Variants in MAF observed in about 807,000 individuals in gnomAD.
The protein encoded by MAF is MAF bZIP transcription factor.
In MAF, 10 loss-of-function variants were observed where a neutral mutation model predicts 22.0. The ratio of observed to expected loss-of-function variants is 0.45; its 90% confidence interval spans 0.28 to 0.77. The LOEUF (loss-of-function observed/expected upper bound fraction) is 0.77. MAF is among the 30% of genes least tolerant of loss of function. The probability of loss-of-function intolerance (pLI) is 0.12; values close to 1 mark genes in which losing one functional copy is unlikely to be tolerated. For synonymous variants in MAF, 337 were observed against 255.8 expected (o/e 1.32, Z -3.03); for missense variants, 544 against 548.4 (o/e 0.99, Z 0.08).
At chr16:79,481,032 T>G in the MAF span, among the ~76,000 whole-genome samples, 1 of 152,158 alleles carries the variant, frequency 6.6e-6, no homozygotes, top group Non-Finnish European at 1.5e-5. Context: ...TAACACAACC[T>G]GTAGTGTGTA....
chr16:79,303,473 T>C, the MAF span, among the ~76,000 whole-genome samples: 3 of 152,286 alleles, frequency 2.0e-5, no homozygotes, highest in East Asian at 3.9e-4. Flanking sequence ...TCAAGAATGA[T>C]CCCTGCTGAG....
At chr16:79,403,293 G>A in the MAF span, among the ~76,000 whole-genome samples, 1 of 152,220 alleles carries the variant, frequency 6.6e-6, no homozygotes, top group Non-Finnish European at 1.5e-5. Context: ...AAGCCCTGGA[G>A]CGGTATAGGG....
chr16:79,556,789 C>G, the MAF span, among the ~76,000 whole-genome samples: 2 of 152,070 alleles, frequency 1.3e-5, no homozygotes, highest in East Asian at 3.9e-4. Flanking sequence ...CTATCTATGC[C>G]TCAATTTACA....
At chr16:79,276,266 A>G in the MAF span, among the ~76,000 whole-genome samples, 1 of 152,202 alleles carries the variant, frequency 6.6e-6, no homozygotes, top group Non-Finnish European at 1.5e-5. Context: ...CTTTTTATGT[A>G]GCAGGCCCCT....
chr16:79,414,699 G>C, the MAF span, among the ~76,000 whole-genome samples: 11 of 152,322 alleles, frequency 7.2e-5, no homozygotes, highest in Middle Eastern at 3.4e-3. Flanking sequence ...GGGTAAGAGA[G>C]AAATCATAAG....
At chr16:79,404,504 T>A in the MAF span, among the ~76,000 whole-genome samples, 1 of 152,162 alleles carries the variant, frequency 6.6e-6, no homozygotes. Flanking sequence ...AGCTAGAGAA[T>A]GGGTACATCG....
At chr16:79,462,469 T>C in the MAF span, among the ~76,000 whole-genome samples, 1 of 152,080 alleles carries the variant, frequency 6.6e-6, no homozygotes, top group African/African-American at 2.4e-5. Flanking sequence ...CTAAACTTCT[T>C]ACCCCACCTA....
At chr16:79,557,328 A>G in the MAF span, among the ~76,000 whole-genome samples, 1 of 152,064 alleles carries the variant, frequency 6.6e-6, no homozygotes, top group Non-Finnish European at 1.5e-5. Context: ...AGGGTGGAAG[A>G]GGAGAAAATA....
chr16:79,584,799 A>G (rs1199586693), downstream of MAF, among the ~76,000 whole-genome samples: 1 of 152,226 alleles, frequency 6.6e-6, no homozygotes, highest in Non-Finnish European at 1.5e-5. Flanking sequence ...CAAGACTAGA[A>G]AATAAACAAC....
the MAF span, among the ~76,000 whole-genome samples, chr16:79,279,703 C>T: frequency 5.1e-4 from 77 of 152,294 alleles, 1 homozygote; most frequent in South Asian, 2.5e-3. Context: ...TATGTTGCCT[C>T]GCGCAGGGGT....
chr16:79,216,231 A>G, the MAF span, among the ~76,000 whole-genome samples: 1 of 150,752 alleles, frequency 6.6e-6, no homozygotes, highest in Non-Finnish European at 1.5e-5. Context: ...GTGCACATCT[A>G]TATGTGTATA....
chr16:79,583,928 G>A (rs565770811), downstream of MAF, among the ~76,000 whole-genome samples: 61 of 152,296 alleles, frequency 4.0e-4, no homozygotes, highest in South Asian at 0.011. Context: ...GCACAGTCTT[G>A]GCGCAGCATG....
the MAF span, among the ~76,000 whole-genome samples, chr16:79,388,579 T>C: frequency 6.6e-6 from 1 of 152,240 alleles, no homozygotes; most frequent in South Asian, 2.1e-4. Flanking sequence ...CAGTGCTCTC[T>C]CTCTATCTAT....
chr16:79,378,410 C>T, the MAF span, among the ~76,000 whole-genome samples: 1 of 152,082 alleles, frequency 6.6e-6, no homozygotes, highest in African/African-American at 2.4e-5. Context: ...AAAATTAAAA[C>T]CAAGCTTGGC....
chr16:79,403,491 C>T, the MAF span, among the ~76,000 whole-genome samples: 1 of 152,166 alleles, frequency 6.6e-6, no homozygotes, highest in Non-Finnish European at 1.5e-5. Flanking sequence ...CACTTCCCTG[C>T]CTCTGTGCAT....
At chr16:79,456,281 C>G in the MAF span, among the ~76,000 whole-genome samples, 1 of 152,228 alleles carries the variant, frequency 6.6e-6, no homozygotes, top group African/African-American at 2.4e-5. Context: ...TTATTCCACT[C>G]CATTCCACTC....
chr16:79,538,393 T>C, the MAF span, among the ~76,000 whole-genome samples: 1 of 152,146 alleles, frequency 6.6e-6, no homozygotes, highest in African/African-American at 2.4e-5. Flanking sequence ...TGATGTGAAA[T>C]ACCCAAATAA....
At chr16:79,373,253 G>C in the MAF span, among the ~76,000 whole-genome samples, 7 of 149,154 alleles carry the variant, frequency 4.7e-5, no homozygotes, top group East Asian at 2.1e-4. Context: ...TGGTAGTATT[G>C]ACAGGTGGGA....
At chr16:79,255,411 A>G in the MAF span, among the ~76,000 whole-genome samples, 5 of 152,236 alleles carry the variant, frequency 3.3e-5, no homozygotes, top group Admixed American at 3.3e-4. Context: ...GTCAAGTGAC[A>G]GGAGTGAAAT....
Sources: gnomAD v4.1 joint callset for allele counts (sites outside exome capture counted in the v4.1 genomes callset) on GRCh38, gnomAD v4.1.1 for gene constraint, MANE v1.5 for transcripts, NCBI Gene and HGNC (gene_info 2026-07-23, HGNC 2026-07-21) for gene names.